The following ENPP6 variants were observed in gnomAD, a reference collection of about 807,000 sequenced individuals.
ENPP6 encodes the protein ectonucleotide pyrophosphatase/phosphodiesterase 6, also known as glycerophosphocholine cholinephosphodiesterase ENPP6.
ENPP6 carries 32 observed loss-of-function variants against 42.0 expected under a neutral mutation model. That is an observed-to-expected ratio of 0.76 (90% CI 0.58 to 1.02). The LOEUF is 1.02. ENPP6 is among the 50% of genes least tolerant of loss of function. The pLI is 0.00. For synonymous variants in ENPP6, 213 were observed against 216.0 expected (o/e 0.99, Z 0.12); for missense variants, 552 against 566.8 (o/e 0.97, Z 0.27).
chr4:184,122,135 A>G (rs1052218788), intron 3 of ENPP6, among the ~76,000 whole-genome samples: 1 of 152,194 alleles, frequency 6.6e-6, no homozygotes, highest in Non-Finnish European at 1.5e-5. Context: ...TGAAGACCCC[A>G]TGAGACAATT....
intron 7 of ENPP6, among the ~76,000 whole-genome samples, chr4:184,092,291 G>A (rs755886618): frequency 2.8e-4 from 43 of 152,152 alleles, no homozygotes; most frequent in Admixed American, 3.3e-4. Context: ...TTTGGAAGAT[G>A]AGTGGAACAC....
intron 1 of ENPP6, among the ~76,000 whole-genome samples, chr4:184,188,043 A>G (rs60922196): frequency 0.07 from 10,709 of 152,296 alleles, 1,215 homozygotes; most frequent in African/African-American, 0.24. Flanking sequence ...ACTGGATGCT[A>G]GAGTCACGAT....
At chr4:184,180,781 G>A (rs1049979142) in intron 1 of ENPP6, among the ~76,000 whole-genome samples, 1 of 152,094 alleles carries the variant, frequency 6.6e-6, no homozygotes, top group Admixed American at 6.5e-5. Flanking sequence ...CTCAATAGAC[G>A]CAGAAAAGGC....
At chr4:184,126,860 A>G (rs1269561789) in intron 2 of ENPP6, among the ~76,000 whole-genome samples, 1 of 152,212 alleles carries the variant, frequency 6.6e-6, no homozygotes, top group Non-Finnish European at 1.5e-5. Context: ...TAGAGGAATG[A>G]AATAGGAAGA....
chr4:184,156,870 C>G (rs1219828060), intron 1 of ENPP6, among the ~76,000 whole-genome samples: 1 of 152,248 alleles, frequency 6.6e-6, no homozygotes, highest in Non-Finnish European at 1.5e-5. Flanking sequence ...CCCCCAGAAA[C>G]TTCTGCACCA....
chr4:184,119,312 GGTGTGTGTGTGTGTGTGTGTGTGTGT>G (rs6148837), intron 3 of ENPP6, among the ~76,000 whole-genome samples: 145 of 144,100 alleles, frequency 1.0e-3, no homozygotes, highest in South Asian at 1.6e-3. Flanking sequence ...TCTGTTTCTT[GGTGTGTGTGTGTGTGTGTGTGTGTGT>G]GTGTGTGTGT....
chr4:184,106,417 G>C (rs1292831913), intron 6 of ENPP6, among the ~76,000 whole-genome samples: 9 of 152,098 alleles, frequency 5.9e-5, no homozygotes, highest in Admixed American at 3.9e-4. Context: ...CCATCTTGTT[G>C]CCACGTCCCC....
chr4:184,125,246 C>A (rs1736483437), intron 2 of ENPP6, among the ~76,000 whole-genome samples: 1 of 152,108 alleles, frequency 6.6e-6, no homozygotes, highest in South Asian at 2.1e-4. Context: ...TCCTCAGGTC[C>A]CGATGTTGGG....
At chr4:184,140,679 C>T (rs1407865472) in intron 2 of ENPP6, among the ~76,000 whole-genome samples, 1 of 138,818 alleles carries the variant, frequency 7.2e-6, no homozygotes, top group East Asian at 2.0e-4. Flanking sequence ...GGAAAACTGG[C>T]TAGCCGTATG....
At chr4:184,216,272 A>T (rs1340714392) in intron 1 of ENPP6, among the ~76,000 whole-genome samples, 1 of 152,216 alleles carries the variant, frequency 6.6e-6, no homozygotes, top group East Asian at 1.9e-4. Flanking sequence ...AATTTTGTTA[A>T]TTCTGTTTAT....
At chr4:184,191,300 G>A (rs569206362) in intron 1 of ENPP6, among the ~76,000 whole-genome samples, 2 of 152,310 alleles carry the variant, frequency 1.3e-5, no homozygotes, top group South Asian at 2.1e-4. Context: ...GAACAATTGT[G>A]ACTACTTTAT....
Position 184,143,946 on chromosome 4 carries a change from A to C in ENPP6, c.421+9608T>G, listed in dbSNP as rs576862088. ...TGCACACCAAGGGCTCAGGTGAGGC[A>C]AAAGTGCCACCTCTCTGTCCCACCA... On this transcript the variant is annotated intron_variant, in intron 2 of 7. Transcript: ENST00000296741. Among the ~76,000 whole-genome samples, 275 of 152,364 alleles carry C rather than the reference A, an allele frequency of 1.8e-3. 4 individuals carry two copies. The South Asian group carries it at 0.047, about 26-fold the overall frequency.
intron 2 of ENPP6, among the ~76,000 whole-genome samples, chr4:184,126,994 T>C (rs1736516219): frequency 1.3e-5 from 2 of 152,002 alleles, no homozygotes; most frequent in African/African-American, 4.8e-5. Context: ...TGCCCCATAA[T>C]TAAGAGAAAA....
chr4:184,135,471 G>C (rs1311240052), intron 2 of ENPP6, among the ~76,000 whole-genome samples: 2 of 152,172 alleles, frequency 1.3e-5, no homozygotes, highest in African/African-American at 2.4e-5. Context: ...TCTAGCATTA[G>C]AGTCTACATT....
chr4:184,216,592 G>A (rs1733199385), intron 1 of ENPP6: 1 of 152,168 alleles, frequency 6.6e-6, no homozygotes, highest in African/African-American at 2.4e-5. Context: ...CTCTCTCTGT[G>A]CTCAGAGTGC....
intron 4 of ENPP6, 147 bp from the exon 5 acceptor site, chr4:184,117,182 T>G (rs1485484457): frequency 9.6e-6 from 9 of 941,894 alleles, no homozygotes; most frequent in Admixed American, 2.5e-5. Flanking sequence ...TGAGACCCAG[T>G]TCAAAACCAC....
At chr4:184,217,039 T>G (rs1660761639) in intron 1 of ENPP6, 1 of 152,130 alleles carries the variant, frequency 6.6e-6, no homozygotes, top group African/African-American at 2.4e-5. Flanking sequence ...AAGGTGGCAT[T>G]GCTAAGTCAC....
At chr4:184,186,662 A>T (rs1383292901) in intron 1 of ENPP6, among the ~76,000 whole-genome samples, 3 of 152,152 alleles carry the variant, frequency 2.0e-5, no homozygotes, top group African/African-American at 7.2e-5. Flanking sequence ...ATCTTGAGAG[A>T]TGCCATTGGG....
chr4:184,164,373 G>T (rs1232353841), intron 1 of ENPP6, among the ~76,000 whole-genome samples: 1 of 152,152 alleles, frequency 6.6e-6, no homozygotes, highest in African/African-American at 2.4e-5. Flanking sequence ...ACCTCAGCAT[G>T]TGACCCTGTT....
Sources: gnomAD v4.1 joint callset for allele counts (sites outside exome capture counted in the v4.1 genomes callset) on GRCh38, gnomAD v4.1.1 for gene constraint, MANE v1.5 for transcripts, NCBI Gene and HGNC (gene_info 2026-07-23, HGNC 2026-07-21) for gene names.